Variants in PATJ observed in about 807,000 individuals in gnomAD.
PATJ encodes the protein PATJ crumbs cell polarity complex component.
Under a neutral mutation model 224.9 loss-of-function variants are expected in PATJ, and 190 were observed. The ratio of observed to expected loss-of-function variants is 0.84; its 90% CI spans 0.75 to 0.95. The LOEUF (loss-of-function observed/expected upper bound fraction) is 0.95. Ranked by LOEUF, PATJ falls within the 40% of genes least tolerant of loss-of-function variation. PATJ has a pLI of 0.00. For synonymous variants in PATJ, 769 were observed against 820.3 expected (o/e 0.94, Z 1.07); for missense variants, 2,121 against 2,270.3 (o/e 0.93, Z 1.34).
intron 7 of PATJ, among the ~76,000 whole-genome samples, chr1:61,779,394 T>C (rs1349890235): frequency 6.6e-6 from 1 of 152,210 alleles, no homozygotes; most frequent in Non-Finnish European, 1.5e-5. Context: ...ATTTCTTCTC[T>C]AGGAAAGCTC....
chr1:61,839,969 G>A (rs975344172), intron 17 of PATJ, among the ~76,000 whole-genome samples: 4 of 151,886 alleles, frequency 2.6e-5, no homozygotes, highest in African/African-American at 9.7e-5. Context: ...AAATTTGCTC[G>A]AAACCAAAGT....
chr1:61,762,347 GTA>G (rs1353304713), intron 1 of PATJ, among the ~76,000 whole-genome samples: 14 of 151,974 alleles, frequency 9.2e-5, no homozygotes, highest in Admixed American at 8.5e-4. Context: ...CTTGTTGTGT[GTA>G]TCAGTAATTT....
At chr1:61,744,221 C>CTGTGG (rs1187647193) in intron 1 of PATJ, among the ~76,000 whole-genome samples, 5 of 120,910 alleles carry the variant, frequency 4.1e-5, no homozygotes, top group Non-Finnish European at 7.9e-5. Context: ...GAGATGGAGG[C>CTGTGG]TGTGGTGAGT....
chr1:62,055,693 C>G (rs1435720670), intron 31 of PATJ, among the ~76,000 whole-genome samples: 1 of 152,144 alleles, frequency 6.6e-6, no homozygotes, highest in Non-Finnish European at 1.5e-5. Context: ...CCAAGTGAAG[C>G]ATTAAGATAT....
At chr1:62,051,293 C>CT (rs1031126201) in intron 31 of PATJ, among the ~76,000 whole-genome samples, 232 of 151,276 alleles carry the variant, frequency 1.5e-3, no homozygotes, top group African/African-American at 4.7e-3. Flanking sequence ...AATCTCTCCT[C>CT]TTTTTTTTTG....
At chr1:61,850,119 A>G (rs1030791176) in intron 17 of PATJ, among the ~76,000 whole-genome samples, 1 of 152,040 alleles carries the variant, frequency 6.6e-6, no homozygotes, top group African/African-American at 2.4e-5. Flanking sequence ...TTTTAGAGCA[A>G]TTTCACAGCT....
At chr1:62,131,634 G>A (rs1666272863) in intron 41 of PATJ, among the ~76,000 whole-genome samples, 1 of 151,614 alleles carries the variant, frequency 6.6e-6, no homozygotes, top group Non-Finnish European at 1.5e-5. Flanking sequence ...GGCTACAAGA[G>A]TCAGACTCCG....
intron 29 of PATJ, among the ~76,000 whole-genome samples, chr1:62,031,128 G>A (rs896538187): frequency 3.3e-5 from 5 of 152,106 alleles, no homozygotes; most frequent in African/African-American, 7.2e-5. Flanking sequence ...TTACATACCC[G>A]TCAGGGTTCC....
At chr1:62,059,698 CAGTT>C (rs1198576677) in intron 31 of PATJ, among the ~76,000 whole-genome samples, 3 of 151,688 alleles carry the variant, frequency 2.0e-5, no homozygotes, top group African/African-American at 7.3e-5. Context: ...TATAAAGAAT[CAGTT>C]AGAAAATGTC....
chr1:62,060,156 T>G (rs1467076504), intron 31 of PATJ, among the ~76,000 whole-genome samples: 1 of 152,164 alleles, frequency 6.6e-6, no homozygotes, highest in Non-Finnish European at 1.5e-5. Flanking sequence ...GCTTATTTGT[T>G]AGGAACTGAG....
chr1:62,031,128 G>T (rs896538187), intron 29 of PATJ, among the ~76,000 whole-genome samples: 5 of 152,106 alleles, frequency 3.3e-5, no homozygotes, highest in Non-Finnish European at 5.9e-5. Context: ...TTACATACCC[G>T]TCAGGGTTCC....
chr1:61,756,088 T>C (rs1645624571), intron 1 of PATJ, among the ~76,000 whole-genome samples: 1 of 152,188 alleles, frequency 6.6e-6, no homozygotes, highest in Non-Finnish European at 1.5e-5. Context: ...CCACCGCACC[T>C]GGCCACCAAG....
At chr1:62,132,739 C>T (rs1156468150) in intron 41 of PATJ, among the ~76,000 whole-genome samples, 1 of 151,600 alleles carries the variant, frequency 6.6e-6, no homozygotes, top group Admixed American at 6.6e-5. Context: ...CCCGTCTCTA[C>T]AAAAAAATAC....
intron 29 of PATJ, among the ~76,000 whole-genome samples, chr1:62,023,160 G>C (rs1442763558): frequency 6.6e-6 from 1 of 151,978 alleles, no homozygotes; most frequent in Non-Finnish European, 1.5e-5. Context: ...CGTGGTGGCG[G>C]GTGCCTGTAA....
At chr1:61,937,713 C>G (rs1245993447) in intron 27 of PATJ, among the ~76,000 whole-genome samples, 1 of 148,208 alleles carries the variant, frequency 6.7e-6, no homozygotes, top group Non-Finnish European at 1.5e-5. Flanking sequence ...CGCAATGGCA[C>G]GATCTCAGCT....
At chr1:62,107,652 T>C (rs933891943) in intron 33 of PATJ, among the ~76,000 whole-genome samples, 1 of 152,182 alleles carries the variant, frequency 6.6e-6, no homozygotes, top group East Asian at 1.9e-4. Flanking sequence ...AAGCAGTCTA[T>C]TTTTGTGCTT....
intron 38 of PATJ, 48 bp downstream of exon 38, chr1:62,121,343 A>T (rs761864996): frequency 4.0e-5 from 28 of 703,922 alleles, no homozygotes; most frequent in African/African-American, 3.6e-4. Context: ...TACCCAAATT[A>T]AAAAAAAAAA....
chr1:62,121,776 G>GAAAA (rs779754902), intron 38 of PATJ, among the ~76,000 whole-genome samples: 2 of 48,140 alleles, frequency 4.2e-5, no homozygotes, highest in Non-Finnish European at 7.4e-5. Flanking sequence ...TCCGTCTCCA[G>GAAAA]AAAAAAAAAA....
intron 22 of PATJ, among the ~76,000 whole-genome samples, chr1:61,885,837 T>C (rs11207852): frequency 0.98 from 149,295 of 151,602 alleles, 73,553 homozygotes; most frequent in East Asian, 1. Flanking sequence ...CCATGGAATA[T>C]TATGCAGCCA....
Sources: gnomAD v4.1 joint callset for allele counts (sites outside exome capture counted in the v4.1 genomes callset) on GRCh38, gnomAD v4.1.1 for gene constraint, MANE v1.5 for transcripts, NCBI Gene and HGNC (gene_info 2026-07-23, HGNC 2026-07-21) for gene names.